The following HOXC13 variants were observed in gnomAD, a reference collection of about 807,000 sequenced individuals.
HOXC13 encodes homeobox C13, also known as homeobox protein Hox-C13.
Under a neutral mutation model 25.9 loss-of-function variants are expected in HOXC13, and 10 were observed. The ratio of observed to expected loss-of-function variants is 0.39; its 90% confidence interval spans 0.24 to 0.65. The LOEUF is 0.65. Among genes scored for constraint, HOXC13 ranks in the 30% least tolerant of loss-of-function variants. The pLI is 0.50. For synonymous variants in HOXC13, 233 were observed against 217.1 expected, an observed-to-expected ratio of 1.07 and a Z score of -0.64; for missense variants, 439 against 478.3, an observed-to-expected ratio of 0.92 and a Z score of 0.77.
At chr12:53,941,392 C>G (rs983823263) in intron 1 of HOXC13, among the ~76,000 whole-genome samples, 9 of 152,198 alleles carry the variant, frequency 5.9e-5, no homozygotes, top group Non-Finnish European at 1.3e-4. Context: ...CCCACCAAAC[C>G]CACTGTGGAT....
At position 53,939,032 on chromosome 12, in the gene HOXC13, G is replaced by T. The variant is rs986514749; in HGVS notation, c.126G>T (p.Ala42=). ...GGGGGGGTGG[A]GGGCSGASPG... The stretch of plus-strand genomic sequence containing the variant: ...GAGGAGGCGGCGGCACGGGCGGAGC[G>T]GGGGGTGGCTGCAGCGGAGCGAGCC... Residue 42 remains alanine (A), a synonymous_variant, in exon 1 of 2, where the codon GCG becomes GCT. Coordinates refer to ENST00000243056, the MANE Select transcript of HOXC13 (RefSeq NM_017410.3). The surrounding 1 kb of genome is among the most constrained non-coding windows in gnomAD (Gnocchi z 6.7). 65 of 1,467,476 alleles carry T rather than the reference G, an allele frequency of 4.4e-5. No homozygotes were observed. The highest frequency in any genetic ancestry group is 2.2e-4 in the African/African-American group (15 of 67,828). The allele number at this position is 1,467,476 out of a possible 1,614,324, so 90.9% of individuals were successfully genotyped here. A position where few individuals can be genotyped will look rare whatever the true frequency, so the allele number is the denominator to read the frequency against.
chr12:53,945,505 G>A lies in HOXC13; in HGVS notation c.*249G>A, dbSNP rs1938680371. 3.6e-6 allele frequency: 2 copies of A among 553,144 alleles called. No homozygotes were observed. Among genetic ancestry groups the A allele is most frequent in the Admixed American group, 6.2e-5 (2 of 32,294 alleles). 34.3% of individuals were successfully genotyped at this position (553,144 alleles called of 1,614,324 possible). ...TTCAACAGCTTTGGAAATGGGTCCC[G>A]AGTGGGCCGTGCGAGGAAGGCTGTC... is the stretch of plus-strand genomic sequence containing the variant. On this transcript the variant is annotated 3_prime_UTR_variant, in exon 2 of 2. Transcript: ENST00000243056. The surrounding 1 kb of genome is among the most constrained non-coding windows in gnomAD (Gnocchi z 4.4).
chr12:53,945,263 AC>A lies in HOXC13; in HGVS notation c.*10del, dbSNP rs1375204224. On this transcript the variant is annotated 3_prime_UTR_variant, in exon 2 of 2. Transcript: ENST00000243056. This position sits in a 1 kb window ranked among gnomAD's most constrained non-coding sequence, Gnocchi z 4.4. ...TCATCTCCACTCCACCTGACCACCC[AC>A]CCGCTGCTTGCCCCATCTATTTATG... 21 of 1,613,628 alleles carry A rather than the reference AC, an allele frequency of 1.3e-5. No individual in the cohort carries two copies. Among genetic ancestry groups the A allele is most frequent in the Non-Finnish European group, 1.8e-5 (21 of 1,179,690 alleles).
chr12:53,941,699 A>G (rs1369728376), intron 1 of HOXC13, among the ~76,000 whole-genome samples: 1 of 152,276 alleles, frequency 6.6e-6, no homozygotes, highest in Non-Finnish European at 1.5e-5. Context: ...CTTGCAAATT[A>G]TGGCATGGAA....
intron 1 of HOXC13, among the ~76,000 whole-genome samples, chr12:53,942,337 G>A (rs914545917): frequency 1.3e-5 from 2 of 151,334 alleles, no homozygotes; most frequent in African/African-American, 4.9e-5. Context: ...CTTTGGATTT[G>A]GGTTGGGAAG....
Position 53,946,227 on chromosome 12 carries a change from T to A in HOXC13, c.*971T>A. 4.4e-6 allele frequency: 1 copy of A among 228,784 alleles called. No homozygotes were observed. The highest frequency in any genetic ancestry group is 2.2e-5 in the African/African-American group (1 of 45,228). The allele number at this position is 228,784 out of a possible 1,614,324, so 14.2% of individuals were successfully genotyped here. On this transcript the variant is annotated 3_prime_UTR_variant, in exon 2 of 2. Coordinates refer to ENST00000243056, the MANE Select transcript of HOXC13 (RefSeq NM_017410.3). ...TGACTCCTCACACTTTCACCTTTAC[T>A]GATTTCCAGAGGAAAGCTAGAGGAT...
At position 53,939,245 on chromosome 12, in the gene HOXC13, C is replaced by A; in HGVS notation, c.339C>A (p.Thr113=). Residue 113 remains threonine (T), a synonymous_variant, in exon 1 of 2, where the codon ACC becomes ACA. Coordinates refer to ENST00000243056, the MANE Select transcript of HOXC13 (RefSeq NM_017410.3). This position sits in a 1 kb window ranked among gnomAD's most constrained non-coding sequence, Gnocchi z 6.7. Reference sequence around the variant, plus strand: ...GTGCCCCGCCGCCCGCACCCCCCACCTCGTCCAGCGCCACCCTGGGCTACG... The same window carrying A: ...GTGCCCCGCCGCCCGCACCCCCCACATCGTCCAGCGCCACCCTGGGCTACG... ...RQCAPPPAPP[T]SSSATLGYGY... is the part of the protein sequence containing the mutation. 1.3e-6 allele frequency: 2 copies of A among 1,544,868 alleles called. No individual in the cohort carries two copies. Among genetic ancestry groups the A allele is most frequent in the Non-Finnish European group, 1.7e-6 (2 of 1,146,730 alleles).
chr12:53,944,137 A>G (rs906100796), intron 1 of HOXC13, among the ~76,000 whole-genome samples: 6 of 152,100 alleles, frequency 3.9e-5, no homozygotes, highest in African/African-American at 1.4e-4. Context: ...AGGAATGGAG[A>G]GGGAAGGCGG....
intron 1 of HOXC13, among the ~76,000 whole-genome samples, chr12:53,941,007 T>C (rs1938602846): frequency 6.6e-6 from 1 of 152,336 alleles, no homozygotes; most frequent in East Asian, 1.9e-4. Flanking sequence ...GTGAATATTA[T>C]GAAATTACTT....
intron 1 of HOXC13, among the ~76,000 whole-genome samples, chr12:53,940,987 T>C (rs1364525669): frequency 6.6e-6 from 1 of 152,110 alleles, no homozygotes; most frequent in African/African-American, 2.4e-5. Flanking sequence ...GTGTAGCAAA[T>C]AACATTCTTG....
chr12:53,939,756 T>G lies in HOXC13; in HGVS notation c.736+114T>G, dbSNP rs1440184333. ...TCTGGCCCCGGCGCGCCCGCTCGGCTGGGCTGCCTATGGAGCCGGCCGGGC... is the reference window on the plus strand; with the variant it reads ...TCTGGCCCCGGCGCGCCCGCTCGGCGGGGCTGCCTATGGAGCCGGCCGGGC... On this transcript the variant is annotated intron_variant, in intron 1 of 1. Coordinates refer to ENST00000243056, the MANE Select transcript of HOXC13 (RefSeq NM_017410.3). This position sits in a 1 kb window ranked among gnomAD's most constrained non-coding sequence, Gnocchi z 6.7. The G allele has an allele frequency of 8.2e-7, 1 of 1,220,098 alleles. No homozygotes were observed. The highest frequency in any genetic ancestry group is 1.6e-5 in the African/African-American group (1 of 63,298). 75.6% of individuals were successfully genotyped at this position (1,220,098 alleles called of 1,614,324 possible).
intron 1 of HOXC13, among the ~76,000 whole-genome samples, chr12:53,940,362 C>G (rs535999349): frequency 2.0e-5 from 3 of 152,220 alleles, no homozygotes; most frequent in African/African-American, 7.2e-5. Flanking sequence ...CCAACTCCCC[C>G]ATATGTGGTC....
intron 1 of HOXC13, among the ~76,000 whole-genome samples, chr12:53,942,153 ACTTTTTTTT>A (rs1938621163): frequency 2.1e-5 from 1 of 47,016 alleles, no homozygotes. Context: ...GTGAGTGTAG[ACTTTTTTTT>A]TTTTTTTTTT....
intron 1 of HOXC13, among the ~76,000 whole-genome samples, chr12:53,942,182 T>C: frequency 1.5e-5 from 1 of 66,242 alleles, no homozygotes; most frequent in Non-Finnish European, 3.3e-5. Context: ...TTTTTTTTTT[T>C]TTTTTTTTTG....
At chr12:53,940,596 T>C (rs1460854995) in intron 1 of HOXC13, among the ~76,000 whole-genome samples, 1 of 152,136 alleles carries the variant, frequency 6.6e-6, no homozygotes, top group Non-Finnish European at 1.5e-5. Flanking sequence ...ATCCCACCGC[T>C]CTCCTTGCGG....
At position 53,939,947 on chromosome 12, in the gene HOXC13, G is replaced by C. The variant is rs1938582962; in HGVS notation, c.736+305G>C. ...CCCTTGCAGGCTCCAGCCTCCCGCC[G>C]GGCTCTTGGCCCCTAAACCTGCTTC... On this transcript the variant is annotated intron_variant, in intron 1 of 1. Transcript: ENST00000243056. This position sits in a 1 kb window ranked among gnomAD's most constrained non-coding sequence, Gnocchi z 6.7. Among the ~76,000 whole-genome samples, 2 of 152,198 alleles carry C rather than the reference G, an allele frequency of 1.3e-5. No homozygotes were observed. The highest frequency in any genetic ancestry group is 1.3e-4 in the Admixed American group (2 of 15,276).
chr12:53,943,800 G>A (rs935185225), intron 1 of HOXC13, among the ~76,000 whole-genome samples: 1 of 152,192 alleles, frequency 6.6e-6, no homozygotes, highest in Non-Finnish European at 1.5e-5. Context: ...AATGTGGTAG[G>A]AATGAAGGGG....
At position 53,939,367 on chromosome 12, in the gene HOXC13, C is replaced by T. The variant is rs1361579640; in HGVS notation, c.461C>T (p.Pro154Leu). 1.2e-6 allele frequency: 2 copies of T among 1,606,414 alleles called. No individual in the cohort carries two copies. The highest frequency in any genetic ancestry group is 1.7e-5 in the Admixed American group (1 of 59,320). The change falls in exon 1 of 2, where the codon CCG becomes CTG. Residue 154 changes from proline to leucine, a missense_variant. By Grantham distance (98) the Pro-to-Leu change is moderately conservative (BLOSUM62 -3). Transcript: ENST00000243056. This position sits in a 1 kb window ranked among gnomAD's most constrained non-coding sequence, Gnocchi z 6.7. ...PCAYHPGDKY[P>L]EPSGALPGDD... is the part of the protein sequence containing the mutation. ...GCCTACCACCCGGGCGATAAATACCCGGAGCCGTCGGGCGCCCTGCCCGGT... is the reference window on the plus strand; with the variant it reads ...GCCTACCACCCGGGCGATAAATACCTGGAGCCGTCGGGCGCCCTGCCCGGT...
rs753216397 is a variant in HOXC13 at position 53,939,254 on chromosome 12, C to T, written c.348C>T (p.Ser116=). 1.9e-6 allele frequency: 3 copies of T among 1,549,114 alleles called. No individual in the cohort carries two copies. Among genetic ancestry groups the T allele is most frequent in the Admixed American group, 1.9e-5 (1 of 51,302 alleles). The change falls in exon 1 of 2, where the codon AGC becomes AGT. Residue 116 remains serine (S), a synonymous_variant. Transcript: ENST00000243056. The surrounding 1 kb of genome is among the most constrained non-coding windows in gnomAD (Gnocchi z 6.7). ...CGCCCGCACCCCCCACCTCGTCCAG[C>T]GCCACCCTGGGCTACGGCTACCCCT... ...APPPAPPTSS[S]ATLGYGYPFG... is the part of the protein sequence containing the mutation.
Sources: allele counts gnomAD v4.1 joint callset (sites outside exome capture counted in the v4.1 genomes callset), GRCh38; gene constraint gnomAD v4.1.1; non-coding constraint Gnocchi (gnomAD v3.1); transcripts MANE v1.5; gene names NCBI Gene and HGNC (gene_info 2026-07-23, HGNC 2026-07-21).